The following FAT1 variants were observed in gnomAD, a reference collection of about 807,000 sequenced individuals.
FAT1 encodes the protein protocadherin Fat 1.
A neutral mutation model predicts 329.8 loss-of-function variants in FAT1; 171 were observed. That is an observed-to-expected ratio of 0.52 (90% CI 0.46 to 0.59). The LOEUF (loss-of-function observed/expected upper bound fraction) is 0.59, where lower values mean the gene tolerates loss of function less well. Ranked by LOEUF, FAT1 falls within the 20% of genes least tolerant of loss-of-function variation. FAT1 has a pLI of 0.00. For synonymous variants in FAT1, 2,233 were observed against 2,228.6 expected, an observed-to-expected ratio of 1.00 and a Z score of -0.06; for missense variants, 5,672 against 5,774.4, an observed-to-expected ratio of 0.98 and a Z score of 0.57.
intron 2 of FAT1, among the ~76,000 whole-genome samples, chr4:186,681,499 T>C (rs965232560): frequency 2.6e-5 from 4 of 152,130 alleles, no homozygotes; most frequent in Non-Finnish European, 4.4e-5. Flanking sequence ...GAAGCGGTGT[T>C]CGGAAGAGAA....
intron 3 of FAT1, among the ~76,000 whole-genome samples, chr4:186,645,189 C>G (rs1301972446): frequency 6.6e-6 from 1 of 151,596 alleles, no homozygotes; most frequent in Non-Finnish European, 1.5e-5. Context: ...AGCTGGCCAC[C>G]AGCCAAGCCT....
At chr4:186,642,064 G>A (rs907162281) in intron 3 of FAT1, among the ~76,000 whole-genome samples, 5 of 151,564 alleles carry the variant, frequency 3.3e-5, no homozygotes, top group African/African-American at 1.2e-4. Flanking sequence ...CTCCTTCCTG[G>A]GTCTGAAATT....
intron 2 of FAT1, among the ~76,000 whole-genome samples, chr4:186,666,914 T>C (rs1201540728): frequency 6.6e-6 from 1 of 152,228 alleles, no homozygotes; most frequent in Non-Finnish European, 1.5e-5. Context: ...AATCTCATCT[T>C]CAGCGCCAGC....
chr4:186,686,247 C>CT (rs1743462784), intron 2 of FAT1, among the ~76,000 whole-genome samples: 3 of 148,006 alleles, frequency 2.0e-5, no homozygotes, highest in Non-Finnish European at 3.0e-5. Flanking sequence ...CACCCCCCCC[C>CT]GACATTCTGA....
rs752119953 is a variant in FAT1 at position 186,588,675 on chromosome 4, T to C, written c.13684A>G (p.Ser4562Gly). ...CCGTCGTCCCCGCTCTCATAGTCAC[T>C]CATCATGACCTCGGACTCCACTTCG... ...CCEVESEVMM[S>G]DYESGDDGHF... Residue 4562 changes from serine (S) to glycine (G), a missense_variant, in exon 27 of 27, where the codon AGT becomes GGT. Ser to Gly is a moderately conservative substitution (Grantham distance 56). This residue lies in a region of FAT1 where 1,706 missense variants were observed against 1,859.1 expected (regional missense o/e 0.92). Coordinates refer to ENST00000441802, the MANE Select transcript of FAT1 (RefSeq NM_005245.4). The C allele has an allele frequency of 1.9e-6, 3 of 1,613,896 alleles. No individual in the cohort carries two copies. The highest frequency in any genetic ancestry group is 2.2e-5 in the South Asian group (2 of 91,070).
In FAT1 at chr4:186,602,423, GAAC is replaced by G. The variant is rs1390180441; in HGVS notation, c.11482+477_11482+479del. ...AAGATTTCTTTATCTGAAAGAAAGAGAACAACTCGAATCTTTACACATAAGAAC... is the reference window on the plus strand; with the variant it reads ...AAGATTTCTTTATCTGAAAGAAAGAGAACTCGAATCTTTACACATAAGAAC... On this transcript the variant is annotated intron_variant, in intron 20 of 26. Coordinates refer to ENST00000441802, the MANE Select transcript of FAT1 (RefSeq NM_005245.4). Among the ~76,000 whole-genome samples, 10 of 152,272 alleles carry G rather than the reference GAAC, an allele frequency of 6.6e-5. No homozygotes were observed. The East Asian group carries it at 1.4e-3, about 21-fold the overall frequency.
rs375987345 is a variant in FAT1 at position 186,620,349 on chromosome 4, C to T, written c.6237G>A (p.Pro2079=). The T allele has an allele frequency of 2.0e-5, 33 of 1,613,910 alleles. No homozygotes were observed. Among genetic ancestry groups the T allele is most frequent in the Admixed American group, 5.0e-5 (3 of 60,000 alleles). The part of the protein sequence containing the change: ...VIVEDQNDNA[P]VFVNLPYYAV... ...CGTAGTAGGGAAGGTTGACAAACAC[C>T]GGCGCATTATCATTTTGGTCTTCTA... Residue 2079 remains proline, a synonymous_variant, in exon 10 of 27, where the codon CCG becomes CCA. Coordinates refer to ENST00000441802, the MANE Select transcript of FAT1 (RefSeq NM_005245.4).
At position 186,658,853 on chromosome 4, in the gene FAT1, C is replaced by T. The variant is rs563078237; in HGVS notation, c.3580+4446G>A. On this transcript the variant is annotated intron_variant, in intron 3 of 26. Coordinates refer to ENST00000441802, the MANE Select transcript of FAT1 (RefSeq NM_005245.4). ...GTGAGGGCCCCTGCCACGCCTCCAC[C>T]GGACCCGTGAGAGCCTGTGCCACAC... Among the ~76,000 whole-genome samples, 29 of 152,234 alleles carry T rather than the reference C, an allele frequency of 1.9e-4. No homozygotes were observed. The East Asian group carries it at 4.1e-3, about 21-fold the overall frequency.
chr4:186,712,531 T>TA (rs1352034572), intron 1 of FAT1, among the ~76,000 whole-genome samples: 1 of 152,224 alleles, frequency 6.6e-6, no homozygotes, highest in African/African-American at 2.4e-5. Flanking sequence ...TGATGGAAGA[T>TA]ACATTTCCTG....
chr4:186,592,344 C>A (rs1374820243), intron 26 of FAT1, among the ~76,000 whole-genome samples: 1 of 152,154 alleles, frequency 6.6e-6, no homozygotes, highest in East Asian at 1.9e-4. Context: ...GAAAGCTTTA[C>A]ATTATTCAAG....
rs1209709913 is a variant in FAT1, at chr4:186,618,110, T to C, written c.8476A>G (p.Ser2826Gly). ...AFIVENLPGGSRVIQIRASDA... is the reference protein window; with the variant it reads ...AFIVENLPGGGRVIQIRASDA... ...GATGCCCTGATCTGAATTACTCTAC[T>C]TCCCCCTGGCAGGTTTTCAACAATG... Residue 2826 changes from serine (S) to glycine (G), a missense_variant, in exon 10 of 27, where the codon AGT (serine) becomes GGT (glycine). Coordinates refer to ENST00000441802, the MANE Select transcript of FAT1 (RefSeq NM_005245.4). 1 of 1,614,052 alleles carries C rather than the reference T, an allele frequency of 6.2e-7. No individual in the cohort carries two copies. The highest frequency in any genetic ancestry group is 2.2e-5 in the East Asian group (1 of 44,888).
At chr4:186,677,744 C>T (rs1431009191) in intron 2 of FAT1, among the ~76,000 whole-genome samples, 1 of 152,078 alleles carries the variant, frequency 6.6e-6, no homozygotes, top group Non-Finnish European at 1.5e-5. Flanking sequence ...TTTATGCAAA[C>T]AGGAAACAAA....
intron 3 of FAT1, among the ~76,000 whole-genome samples, chr4:186,660,943 C>T (rs1209142612): frequency 1.3e-5 from 2 of 152,160 alleles, no homozygotes; most frequent in African/African-American, 4.8e-5. Context: ...GCTCAGATAT[C>T]CCAAAGGATA....
At chr4:186,604,229 T>C (rs1738980867) in intron 18 of FAT1, 148 bp downstream of exon 18, 1 of 700,008 alleles carries the variant, frequency 1.4e-6, no homozygotes, top group East Asian at 2.7e-5. Flanking sequence ...GGGATAAAAA[T>C]GGAAGGTATG....
At position 186,601,396 on chromosome 4, in the gene FAT1, C is replaced by G. The variant is rs1185549854; in HGVS notation, c.11513G>C (p.Ser3838Thr). 6.2e-7 allele frequency: 1 copy of G among 1,613,010 alleles called. No individual in the cohort carries two copies. Among genetic ancestry groups the G allele is most frequent in the Non-Finnish European group, 8.5e-7 (1 of 1,179,236 alleles). The part of the protein sequence containing the change: ...GSSSMTLTGN[S>T]YVKYRLTENE... ...TTCCGTCAGACGGTATTTCACGTAG[C>G]TGTTTCCAGTCAGTGTCATAGATGA... Residue 3838 changes from serine (S) to threonine (T), a missense_variant, in exon 21 of 27, where the codon AGC becomes ACC. Physicochemically the swap from Ser to Thr is moderately conservative, Grantham distance 58 (BLOSUM62 1). Around this residue, in one of 2 missense-constraint regions of FAT1, gnomAD observed 1,706 missense variants for 1,859.1 expected, o/e 0.92. Transcript: ENST00000441802.
chr4:186,700,434 G>A (rs1214566069), intron 2 of FAT1, among the ~76,000 whole-genome samples: 4 of 152,274 alleles, frequency 2.6e-5, no homozygotes, highest in African/African-American at 7.2e-5. Flanking sequence ...CTTGCTGACT[G>A]CCACCGCGAC....
intron 3 of FAT1, among the ~76,000 whole-genome samples, chr4:186,652,118 G>A (rs1315271962): frequency 6.6e-6 from 1 of 152,168 alleles, no homozygotes; most frequent in Non-Finnish European, 1.5e-5. Flanking sequence ...GTCTTCAGAC[G>A]TCTCTTCTGC....
At chr4:186,662,006 T>A (rs1042478935) in intron 3 of FAT1, among the ~76,000 whole-genome samples, 24 of 144,766 alleles carry the variant, frequency 1.7e-4, no homozygotes, top group African/African-American at 5.6e-4. Flanking sequence ...TAGGAAATCC[T>A]CCCCCCCGCC....
chr4:186,602,761 C>T, intron 20 of FAT1, 142 bp downstream of exon 20: 1 of 952,462 alleles, frequency 1.0e-6, no homozygotes, highest in Non-Finnish European at 1.5e-6. Context: ...TTACTACTGT[C>T]ATTCTTTATT....
Sources: allele counts gnomAD v4.1 joint callset (sites outside exome capture counted in the v4.1 genomes callset), GRCh38; gene constraint gnomAD v4.1.1; regional missense constraint gnomAD v4.1.1; transcripts MANE v1.5; gene names NCBI Gene and HGNC (gene_info 2026-07-23, HGNC 2026-07-21).